Variants in SRSF1 observed in about 807,000 individuals in gnomAD.
The protein encoded by SRSF1 is serine and arginine rich splicing factor 1, also known as serine/arginine-rich splicing factor 1.
In SRSF1, 1 loss-of-function variant was observed where a neutral mutation model predicts 25.9. The ratio of observed to expected loss-of-function variants is 0.04; its 90% CI spans 0.01 to 0.18. The LOEUF (loss-of-function observed/expected upper bound fraction) is 0.18. Among genes scored for constraint, SRSF1 ranks in the 10% least tolerant of loss-of-function variants. SRSF1 has a pLI of 1.00. For missense variants in SRSF1, 65 were observed against 350.5 expected (o/e 0.19, Z 6.50); for synonymous variants, 132 against 126.2 (o/e 1.05, Z -0.31).
At position 58,007,151 on chromosome 17, in the gene SRSF1, A is replaced by G; in HGVS notation, c.-14T>C. ...ACCTCCCGACATGGCGGTGACGAAA[A>G]GCGCGGACTCGAGAACAGGCCTTCC... On this transcript the variant is annotated 5_prime_UTR_variant, in exon 1 of 4. Transcript: ENST00000258962. 6.2e-7 allele frequency: 1 copy of G among 1,613,580 alleles called. No individual in the cohort carries two copies. The highest frequency in any genetic ancestry group is 1.1e-5 in the South Asian group (1 of 91,086).
intron 2 of SRSF1, 53 bp downstream of exon 2, chr17:58,006,290 A>T: frequency 1.9e-6 from 3 of 1,539,998 alleles, no homozygotes; most frequent in South Asian, 1.2e-5. Context: ...CAAGAGAAAA[A>T]TTTTAGGTAG....
intron 2 of SRSF1, 119 bp downstream of exon 2, chr17:58,006,224 A>C: frequency 4.6e-6 from 6 of 1,317,458 alleles, no homozygotes; most frequent in Non-Finnish European, 5.2e-6. Context: ...TTCACCCAAA[A>C]ACTAAAGCAA....
chr17:58,005,270 G>T lies in SRSF1; in HGVS notation c.*136C>A. The T allele has an allele frequency of 3.5e-6, 3 of 845,532 alleles. No individual in the cohort carries two copies. The highest frequency in any genetic ancestry group is 1.9e-6 in the Non-Finnish European group (1 of 540,430). The allele number at this position is 845,532 out of a possible 1,614,324, so 52.4% of individuals were successfully genotyped here. The stretch of plus-strand genomic sequence containing the variant: ...AGGGAATGTAGATGTTAGGAGCAAG[G>T]GGATATTACAAGAATGCAATTCAAC... On this transcript the variant is annotated 3_prime_UTR_variant, in exon 4 of 4. Transcript: ENST00000258962. This position sits in a 1 kb window ranked among gnomAD's most constrained non-coding sequence, Gnocchi z 5.2.
chr17:57,996,491 A>AAAAC (rs1311777707), downstream of SRSF1, among the ~76,000 whole-genome samples: 74 of 150,716 alleles, frequency 4.9e-4, 2 homozygotes, highest in African/African-American at 1.8e-3. Context: ...CTTAAAAAAA[A>AAAAC]AAAAAAAAAA....
intron 2 of SRSF1, 21 bp downstream of exon 2, chr17:58,006,322 C>A: frequency 6.3e-7 from 1 of 1,588,290 alleles, no homozygotes; most frequent in Non-Finnish European, 8.6e-7. Flanking sequence ...TCACATCAAT[C>A]CACACAACCA....
At chr17:57,996,497 A>AAAAC (rs1227246589), downstream of SRSF1, among the ~76,000 whole-genome samples, 4 of 151,092 alleles carry the variant, frequency 2.6e-5, no homozygotes, top group African/African-American at 9.7e-5. Context: ...AAAAAAAAAA[A>AAAAC]AAAAAACAGC....
At position 58,001,008 on chromosome 17, in the gene SRSF1, G is replaced by C. The variant is rs2075385781; in HGVS notation, c.*4398C>G. 1.3e-5 allele frequency among the ~76,000 whole-genome samples: 2 copies of C among 152,160 alleles called. No individual in the cohort carries two copies. Among genetic ancestry groups the C allele is most frequent in the South Asian group, 4.1e-4 (2 of 4,834 alleles). ...GATTTCAAAAAATGGATAAGAGACT[G>C]TAATCTGTTTTCTGCGTTTGCAGTC... On this transcript the variant is annotated 3_prime_UTR_variant, in exon 4 of 4. Transcript: ENST00000258962.
the SRSF1 span, among the ~76,000 whole-genome samples, chr17:57,995,874 G>A: frequency 1.3e-5 from 2 of 152,166 alleles, no homozygotes; most frequent in African/African-American, 4.8e-5. Flanking sequence ...TGGGCGCAGT[G>A]GCTCATATCT....
chr17:58,002,680 G>A lies in SRSF1; in HGVS notation c.*2726C>T, dbSNP rs2075400208. 6.6e-6 allele frequency among the ~76,000 whole-genome samples: 1 copy of A among 152,144 alleles called. No homozygotes were observed. Among genetic ancestry groups the A allele is most frequent in the African/African-American group, 2.4e-5 (1 of 41,418 alleles). On this transcript the variant is annotated 3_prime_UTR_variant, in exon 4 of 4. Coordinates refer to ENST00000258962, the MANE Select transcript of SRSF1 (RefSeq NM_006924.5). ...CATCCAAAGAAGCAGTTAATCTTGT[G>A]CACTCTTCCCTTTCAAAAAAGAAAT...
chr17:57,999,163 G>A (rs188917070), downstream of SRSF1, among the ~76,000 whole-genome samples: 2 of 152,294 alleles, frequency 1.3e-5, no homozygotes, highest in East Asian at 1.9e-4. Flanking sequence ...TGACACATAA[G>A]TAGGATTTTA....
downstream of SRSF1, among the ~76,000 whole-genome samples, chr17:57,998,765 T>G (rs2075374100): frequency 6.6e-6 from 1 of 152,198 alleles, no homozygotes; most frequent in Non-Finnish European, 1.5e-5. Context: ...TGTGTAAACT[T>G]GATTACTTTT....
intron 1 of SRSF1, 92 bp from the exon 2 acceptor site, chr17:58,006,619 C>T: frequency 7.0e-7 from 1 of 1,421,434 alleles, no homozygotes; most frequent in Non-Finnish European, 9.4e-7. Context: ...ACATGCGCAC[C>T]CAACGTGGAA....
Position 58,006,527 on chromosome 17 carries a change from T to C in SRSF1, c.195A>G (p.Arg65=). Residue 65 remains arginine, a splice_region_variant and synonymous_variant, in exon 2 of 4, where the codon CGA becomes CGG. Transcript: ENST00000258962. Reference sequence around the variant, plus strand: ...GACCATACACCGCGTCTTCCGCGTCTCTGCGGGATCGCAGAAAGTAAAAGG... The same window carrying C: ...GACCATACACCGCGTCTTCCGCGTCCCTGCGGGATCGCAGAAAGTAAAAGG... ...PFAFVEFEDP[R]DAEDAVYGRD... 1 of 1,610,648 alleles carries C rather than the reference T, an allele frequency of 6.2e-7. No individual in the cohort carries two copies. The highest frequency in any genetic ancestry group is 1.1e-5 in the South Asian group (1 of 90,932).
At chr17:57,990,492 C>T in the SRSF1 span, 1 of 152,126 alleles carries the variant, frequency 6.6e-6, no homozygotes, top group African/African-American at 2.4e-5. Context: ...TACTCAAAAA[C>T]AATCGGTTCC....
chr17:58,006,626 G>T, intron 1 of SRSF1, 99 bp from the exon 2 acceptor site: 2 of 1,373,122 alleles, frequency 1.5e-6, no homozygotes, highest in Non-Finnish European at 2.0e-6. Context: ...CACCCAACGT[G>T]GAAGAGCCCA....
chr17:57,992,299 A>G, the SRSF1 span: 1 of 152,190 alleles, frequency 6.6e-6, no homozygotes, highest in East Asian at 1.9e-4. Flanking sequence ...AAACATACTC[A>G]TAGGCACCAA....
At chr17:57,995,041 C>T in the SRSF1 span, among the ~76,000 whole-genome samples, 1 of 152,166 alleles carries the variant, frequency 6.6e-6, no homozygotes, top group African/African-American at 2.4e-5. Context: ...GCTATTTGCT[C>T]ATTTGTTTTC....
In SRSF1 at chr17:58,005,990, T is replaced by C. The variant is rs759847739; in HGVS notation, c.380-17A>G. 4 of 1,604,894 alleles carry C rather than the reference T, an allele frequency of 2.5e-6. No homozygotes were observed. In the African/African-American group the frequency reaches 4.0e-5, roughly 16 times the overall value. ...GAGGCAGTCCTGAAAAAGTGATTTT[T>C]TTTTTCTTAGTACCAATTATCTTAA... On this transcript the variant is annotated splice_polypyrimidine_tract_variant and intron_variant, in intron 2 of 3. Transcript: ENST00000258962. The surrounding 1 kb of genome is among the most constrained non-coding windows in gnomAD (Gnocchi z 5.2).
chr17:57,999,752 A>C (rs889744145), downstream of SRSF1, among the ~76,000 whole-genome samples: 6 of 151,396 alleles, frequency 4.0e-5, no homozygotes, highest in South Asian at 2.1e-4. Flanking sequence ...AAAAAACCAA[A>C]CAAACAAACA....
Sources: allele counts gnomAD v4.1 joint callset (sites outside exome capture counted in the v4.1 genomes callset), GRCh38; gene constraint gnomAD v4.1.1; non-coding constraint Gnocchi (gnomAD v3.1); transcripts MANE v1.5; gene names NCBI Gene and HGNC (gene_info 2026-07-23, HGNC 2026-07-21).